RB1: variants seen among roughly 807,000 people sequenced by gnomAD.
The protein encoded by RB1 is RB transcriptional corepressor 1, also known as retinoblastoma-associated protein.
A neutral mutation model predicts 135.4 loss-of-function variants in RB1; 18 were observed. The ratio of observed to expected loss-of-function variants is 0.13; its 90% CI spans 0.09 to 0.20. The LOEUF is 0.20. Among genes scored for constraint, RB1 ranks in the 10% least tolerant of loss-of-function variants. The pLI is 1.00. For synonymous variants in RB1, 365 were observed against 373.2 expected (o/e 0.98, Z 0.25); for missense variants, 868 against 1,110.0 (o/e 0.78, Z 3.10).
At chr13:48,359,143 G>A (rs1952616889) in intron 6 of RB1, among the ~76,000 whole-genome samples, 1 of 151,908 alleles carries the variant, frequency 6.6e-6, no homozygotes, top group Admixed American at 6.6e-5. Context: ...GGAGCCATAA[G>A]CAAATTTGTA....
At chr13:48,438,366 ATTC>A (rs1448722442) in intron 17 of RB1, among the ~76,000 whole-genome samples, 1 of 152,076 alleles carries the variant, frequency 6.6e-6, no homozygotes, top group African/African-American at 2.4e-5. Context: ...TGAGCACACT[ATTC>A]TTCTGCTTTT....
At chr13:48,359,888 G>T (rs1278111781) in intron 6 of RB1, 129 bp from the exon 7 acceptor site, 7 of 1,232,366 alleles carry the variant, frequency 5.7e-6, no homozygotes, top group African/African-American at 3.2e-5. Context: ...AAAAAAGAAA[G>T]AAAATCTTTA....
rs762529301 is a variant in RB1 at position 48,456,333 on chromosome 13, A to T, written c.1944A>T (p.Ser648=). 6.2e-7 allele frequency: 1 copy of T among 1,614,132 alleles called. No individual in the cohort carries two copies. Among genetic ancestry groups the T allele is most frequent in the South Asian group, 1.1e-5 (1 of 91,072 alleles). ...AGCCATTGAAATCTACCTCTCTTTC[A>T]CTGTTTTATAAAAAAGGTTAGTAGA... ...TQKPLKSTSL[S]LFYKKVYRLA... Residue 648 remains serine, a synonymous_variant, in exon 19 of 27, where the codon TCA becomes TCT. Coordinates refer to ENST00000267163, the MANE Select transcript of RB1 (RefSeq NM_000321.3).
chr13:48,445,507 A>G (rs1274578709), intron 17 of RB1, among the ~76,000 whole-genome samples: 1 of 152,144 alleles, frequency 6.6e-6, no homozygotes, highest in African/African-American at 2.4e-5. Context: ...AAAGAACATC[A>G]GTTTCTTAGC....
At chr13:48,408,648 A>G (rs1040755574) in intron 17 of RB1, 1 of 152,166 alleles carries the variant, frequency 6.6e-6, no homozygotes, top group Non-Finnish European at 1.5e-5. Context: ...CTAGCAAAGG[A>G]AAATAAATTT....
At chr13:48,437,842 T>C (rs1393631352) in intron 17 of RB1, among the ~76,000 whole-genome samples, 1 of 152,214 alleles carries the variant, frequency 6.6e-6, no homozygotes, top group Non-Finnish European at 1.5e-5. Context: ...TTAGGAACTG[T>C]CTGCACAAGG....
intron 11 of RB1, among the ~76,000 whole-genome samples, chr13:48,372,772 C>T (rs1322092166): frequency 6.6e-6 from 1 of 152,130 alleles, no homozygotes; most frequent in Non-Finnish European, 1.5e-5. Context: ...CAGCCCTAAA[C>T]ATTCTACAGT....
At chr13:48,401,236 A>G (rs1372424075) in intron 17 of RB1, 5 of 152,172 alleles carry the variant, frequency 3.3e-5, no homozygotes, top group Admixed American at 3.3e-4. Flanking sequence ...AATTTTATAA[A>G]GAGTCATGAT....
chr13:48,346,002 TGAGAA>T (rs1172781412), intron 4 of RB1, among the ~76,000 whole-genome samples: 5 of 151,586 alleles, frequency 3.3e-5, no homozygotes, highest in Non-Finnish European at 5.9e-5. Flanking sequence ...TGGTGGAGGA[TGAGAA>T]AAATTAGAGA....
chr13:48,376,625 G>A (rs1237079515), intron 12 of RB1, among the ~76,000 whole-genome samples: 2 of 152,052 alleles, frequency 1.3e-5, no homozygotes, highest in Middle Eastern at 3.2e-3. Flanking sequence ...TTATGAGAAT[G>A]TATGAGGCTC....
chr13:48,442,693 T>C (rs973228138), intron 17 of RB1, among the ~76,000 whole-genome samples: 12 of 152,190 alleles, frequency 7.9e-5, no homozygotes, highest in Admixed American at 2.0e-4. Flanking sequence ...ATTACATGAA[T>C]TTTGTCATCT....
intron 1 of RB1, 26 bp from the exon 2 acceptor site, chr13:48,307,254 A>G: frequency 6.3e-7 from 1 of 1,583,382 alleles, no homozygotes; most frequent in South Asian, 1.1e-5. Flanking sequence ...GTATATGCCA[A>G]TTATATGATT....
intron 24 of RB1, among the ~76,000 whole-genome samples, chr13:48,474,645 A>G (rs904873433): frequency 6.6e-6 from 1 of 151,882 alleles, no homozygotes; most frequent in African/African-American, 2.4e-5. Flanking sequence ...TTCCTCTCAG[A>G]CTTCTAGGAT....
At chr13:48,374,927 G>A (rs547876656) in intron 12 of RB1, among the ~76,000 whole-genome samples, 3 of 151,972 alleles carry the variant, frequency 2.0e-5, no homozygotes, top group Non-Finnish European at 2.9e-5. Flanking sequence ...ATGAGTACCT[G>A]ATATTTAGCT....
intron 17 of RB1, among the ~76,000 whole-genome samples, chr13:48,402,379 C>CTTTTT (rs545934425): frequency 2.4e-5 from 3 of 125,716 alleles, no homozygotes; most frequent in African/African-American, 5.7e-5. Flanking sequence ...TGTAGAAAAC[C>CTTTTT]TTTTTTTTTT....
intron 26 of RB1, 23 bp downstream of exon 26, chr13:48,477,427 G>A: frequency 6.4e-7 from 1 of 1,571,468 alleles, no homozygotes; most frequent in African/African-American, 1.4e-5. Flanking sequence ...TTCACCTTGT[G>A]TAAATGAAAT....
intron 17 of RB1, among the ~76,000 whole-genome samples, chr13:48,403,048 CAAT>C (rs1159826822): frequency 1.4e-4 from 21 of 151,798 alleles, no homozygotes; most frequent in Non-Finnish European, 3.1e-4. Context: ...TATGAGCTAA[CAAT>C]AATTGGTAAA....
chr13:48,316,994 C>T, intron 2 of RB1: 1 of 492,994 alleles, frequency 2.0e-6, no homozygotes, highest in Non-Finnish European at 3.6e-6. Flanking sequence ...TTCGTCAATA[C>T]CTCAGGTCTA....
At chr13:48,311,460 G>C (rs73487075) in intron 2 of RB1, among the ~76,000 whole-genome samples, 7,726 of 152,216 alleles carry the variant, frequency 0.051, 622 homozygotes, top group African/African-American at 0.17. Flanking sequence ...CACCTATGCT[G>C]TGTGGTATAT....
Sources: allele counts gnomAD v4.1 joint callset (sites outside exome capture counted in the v4.1 genomes callset), GRCh38; gene constraint gnomAD v4.1.1; transcripts MANE v1.5; gene names NCBI Gene and HGNC (gene_info 2026-07-23, HGNC 2026-07-21).